The following ALDH3A2 variants were observed in gnomAD, a reference collection of about 807,000 sequenced individuals.
ALDH3A2 encodes aldehyde dehydrogenase family 3 member A2.
ALDH3A2 carries 36 observed loss-of-function variants against 51.3 expected under a neutral mutation model. That is an observed-to-expected ratio of 0.70 (90% CI 0.54 to 0.93). ALDH3A2 has a LOEUF of 0.93. Ranked by LOEUF, ALDH3A2 falls within the 40% of genes least tolerant of loss-of-function variation. The probability of loss-of-function intolerance (pLI) is 0.00; values close to 1 mark genes in which losing one functional copy is unlikely to be tolerated. For synonymous variants in ALDH3A2, 199 were observed against 219.8 expected (o/e 0.91, Z 0.84); for missense variants, 552 against 603.1 (o/e 0.92, Z 0.89).
intron 3 of ALDH3A2, among the ~76,000 whole-genome samples, chr17:19,655,614 G>A (rs1340590930): frequency 6.6e-6 from 1 of 152,242 alleles, no homozygotes. Flanking sequence ...AGATCCACAA[G>A]CCAGCTTTTA....
intron 8 of ALDH3A2, among the ~76,000 whole-genome samples, chr17:19,668,079 ACT>A (rs1267177830): frequency 1.3e-5 from 2 of 150,390 alleles, no homozygotes; most frequent in Admixed American, 6.6e-5. Flanking sequence ...TTTTTTTACC[ACT>A]CTCATGAATT....
Position 19,651,583 on chromosome 17 carries a change from G to A in ALDH3A2, c.190G>A (p.Val64Ile), listed in dbSNP as rs771930129. The change falls in exon 2 of 10, where the codon GTC becomes ATC. Residue 64 changes from valine (V) to isoleucine (I), a missense_variant. By Grantham distance (29) the Val-to-Ile change is conservative. Transcript: ENST00000176643. Reference sequence around the variant, plus strand: ...TGTGTACAGTCAGGAAGTCATTACTGTCCTTGGGGAAATTGATTTTATGCT... The same window carrying A: ...TGTGTACAGTCAGGAAGTCATTACTATCCTTGGGGAAATTGATTTTATGCT... ...FNVYSQEVIT[V>I]LGEIDFMLEN... 2 of 1,614,162 alleles carry A rather than the reference G, an allele frequency of 1.2e-6. No individual in the cohort carries two copies. Among genetic ancestry groups the A allele is most frequent in the Admixed American group, 3.3e-5 (2 of 60,024 alleles).
rs2085099127 is a variant in ALDH3A2, at chr17:19,670,580, T to C, written c.1208-1141T>C. ...CCCTTATTCTTTTTTTTTTTTTTTT[T>C]GAGACGGAGTCTCGCTCTGTCGCCC... On this transcript the variant is annotated intron_variant, in intron 8 of 9. Coordinates refer to ENST00000176643, the MANE Select transcript of ALDH3A2 (RefSeq NM_000382.3). Among the ~76,000 whole-genome samples, 3 of 149,816 alleles carry C rather than the reference T, an allele frequency of 2.0e-5. No homozygotes were observed. The South Asian group carries it at 6.3e-4, about 31-fold the overall frequency.
chr17:19,648,423 G>C (rs1276425045), upstream of ALDH3A2: 1 of 154,460 alleles, frequency 6.5e-6, no homozygotes, highest in Admixed American at 6.5e-5. Context: ...AGCGGAGACT[G>C]CTCTCCGTCG....
intron 5 of ALDH3A2, among the ~76,000 whole-genome samples, chr17:19,658,974 G>A (rs900918176): frequency 1.3e-5 from 2 of 152,206 alleles, no homozygotes; most frequent in African/African-American, 4.8e-5. Context: ...GCTCACGCCT[G>A]TAATCCCAGC....
At chr17:19,669,613 G>A (rs1340064329) in intron 8 of ALDH3A2, among the ~76,000 whole-genome samples, 3 of 151,954 alleles carry the variant, frequency 2.0e-5, no homozygotes, top group Non-Finnish European at 2.9e-5. Context: ...CAGGTACTGC[G>A]GTTGAATCCA....
chr17:19,650,422 A>G (rs1406817210), intron 1 of ALDH3A2, among the ~76,000 whole-genome samples: 1 of 151,848 alleles, frequency 6.6e-6, no homozygotes, highest in Non-Finnish European at 1.5e-5. Context: ...CTAGGACTAC[A>G]GGCATGAGGC....
chr17:19,657,830 C>CA lies in ALDH3A2; in HGVS notation c.769dup (p.Ile257AsnfsTer6), dbSNP rs1057517190. ...TCTCTGTGAAGCATCCCTCCAAAAT[C>CA]AAATTGTATGGAAGATTAAGGAAAC... On this transcript the variant is annotated frameshift_variant, in exon 5 of 10. Transcript: ENST00000176643. LOFTEE classifies it high-confidence loss of function. The CA allele has an allele frequency of 6.2e-7, 1 of 1,612,722 alleles. No homozygotes were observed. Among genetic ancestry groups the CA allele is most frequent in the Non-Finnish European group, 8.5e-7 (1 of 1,178,748 alleles).
intron 6 of ALDH3A2, 59 bp downstream of exon 6, chr17:19,661,327 C>A: frequency 6.3e-7 from 1 of 1,586,398 alleles, no homozygotes; most frequent in Non-Finnish European, 8.7e-7. Context: ...TTTGCTGACA[C>A]TACTTATTAA....
At chr17:19,668,126 C>T (rs2085064227) in intron 8 of ALDH3A2, among the ~76,000 whole-genome samples, 1 of 152,116 alleles carries the variant, frequency 6.6e-6, no homozygotes, top group South Asian at 2.1e-4. Context: ...TTGCTGTGTT[C>T]ACATCTTCCT....
At chr17:19,669,675 C>A (rs549190108) in intron 8 of ALDH3A2, among the ~76,000 whole-genome samples, 1 of 151,992 alleles carries the variant, frequency 6.6e-6, no homozygotes, top group South Asian at 2.1e-4. Context: ...CACTCTGTCA[C>A]CCAAGCCAGA....
chr17:19,671,000 C>T (rs1332448974), intron 8 of ALDH3A2, among the ~76,000 whole-genome samples: 2 of 152,234 alleles, frequency 1.3e-5, no homozygotes, highest in Non-Finnish European at 2.9e-5. Context: ...GGCCTCTGGT[C>T]ACCTGTGTCT....
intron 5 of ALDH3A2, among the ~76,000 whole-genome samples, chr17:19,660,869 GA>G (rs146530419): frequency 6.6e-6 from 1 of 152,282 alleles, no homozygotes; most frequent in Non-Finnish European, 1.5e-5. Flanking sequence ...TGGACTCTAA[GA>G]GATCCATAAG....
chr17:19,652,827 G>C (rs2084835079), intron 3 of ALDH3A2, 195 bp downstream of exon 3: 2 of 599,426 alleles, frequency 3.3e-6, no homozygotes, highest in South Asian at 1.9e-5. Flanking sequence ...CCCAGCTCTT[G>C]GGGTTACACA....
intron 5 of ALDH3A2, among the ~76,000 whole-genome samples, chr17:19,658,494 G>C (rs958026000): frequency 6.6e-6 from 1 of 150,688 alleles, no homozygotes. Flanking sequence ...GGGGGCCTAG[G>C]GGGGCAGATC....
chr17:19,650,944 T>G (rs1337791947), intron 1 of ALDH3A2, among the ~76,000 whole-genome samples: 1 of 152,232 alleles, frequency 6.6e-6, no homozygotes, highest in African/African-American at 2.4e-5. Flanking sequence ...TGATATTAAA[T>G]AAACAAGATG....
At chr17:19,670,520 T>G (rs2085097708) in intron 8 of ALDH3A2, among the ~76,000 whole-genome samples, 1 of 151,786 alleles carries the variant, frequency 6.6e-6, no homozygotes. Context: ...TTTCCCAGTT[T>G]CTTACTACCT....
At chr17:19,652,402 T>G in intron 2 of ALDH3A2, 145 bp from the exon 3 acceptor site, 1 of 664,698 alleles carries the variant, frequency 1.5e-6, no homozygotes, top group Non-Finnish European at 2.7e-6. Context: ...TGAGATGAGC[T>G]CTTATGCTAA....
rs1310473917 is a variant in ALDH3A2, at chr17:19,676,976, G to T, written c.*1404G>T. ...GTAAGCCACTGCGGTTGGTCATACT[G>T]AAGGGAATTGATGGCAAGAGGATCC... On this transcript the variant is annotated 3_prime_UTR_variant, in exon 10 of 10. Transcript: ENST00000176643. 6.6e-6 allele frequency: 1 copy of T among 152,240 alleles called. No homozygotes were observed. The allele number at this position is 152,240 out of a possible 1,614,324, so 9.4% of individuals were successfully genotyped here. A position where few individuals can be genotyped will look rare whatever the true frequency, so the allele number is the denominator to read the frequency against.
Sources: gnomAD v4.1 joint callset for allele counts (sites outside exome capture counted in the v4.1 genomes callset) on GRCh38, gnomAD v4.1.1 for gene constraint, MANE v1.5 for transcripts, NCBI Gene and HGNC (gene_info 2026-07-23, HGNC 2026-07-21) for gene names.